The following SPHK2 variants were observed in gnomAD, a reference collection of about 807,000 sequenced individuals.
SPHK2 encodes the protein sphingosine kinase 2.
In SPHK2, 18 loss-of-function variants were observed where a neutral mutation model predicts 32.3. The ratio of observed to expected loss-of-function variants is 0.56; its 90% confidence interval spans 0.39 to 0.83. SPHK2 has a LOEUF of 0.83. SPHK2 is among the 40% of genes least tolerant of loss of function. The pLI is 0.00. For missense variants in SPHK2, 850 were observed against 908.7 expected (o/e 0.94, Z 0.83); for synonymous variants, 462 against 417.6 (o/e 1.11, Z -1.30).
intron 3 of SPHK2, among the ~76,000 whole-genome samples, chr19:48,627,337 G>A (rs2030004859): frequency 6.6e-6 from 1 of 152,198 alleles, no homozygotes; most frequent in Non-Finnish European, 1.5e-5. Context: ...AGAGGTCTAG[G>A]GCTTCCCTGG....
intron 2 of SPHK2, chr19:48,625,384 C>G: frequency 8.5e-7 from 1 of 1,171,632 alleles, no homozygotes; most frequent in South Asian, 1.6e-5. Flanking sequence ...CTGTTTTACC[C>G]ACTGCACCGT....
At chr19:48,622,210 G>T (rs1201624698) in intron 2 of SPHK2, among the ~76,000 whole-genome samples, 1 of 148,066 alleles carries the variant, frequency 6.8e-6, no homozygotes, top group Non-Finnish European at 1.5e-5. Flanking sequence ...AGTGAGTCGA[G>T]ATCGCGCCAC....
chr19:48,625,040 C>A, intron 2 of SPHK2: 1 of 991,742 alleles, frequency 1.0e-6, no homozygotes, highest in Non-Finnish European at 1.2e-6. Context: ...GTCCTGCTCC[C>A]ACCCGCTCCC....
rs753886314 is a variant in SPHK2, at chr19:48,629,662, G to C, written c.1854G>C (p.Val618=). ...FRLEPLTPRG[V]LTVDGEQVEY... is the part of the protein sequence containing the mutation. ...TAGAGCCGCTCACACCACGCGGCGT[G>C]CTCACAGTGGACGGGGAGCAGGTGG... is the stretch of plus-strand genomic sequence containing the variant. The change falls in exon 7 of 7, where the codon GTG becomes GTC. Residue 618 remains valine, a synonymous_variant. Coordinates refer to ENST00000245222, the MANE Select transcript of SPHK2 (RefSeq NM_020126.5). 2 of 1,606,038 alleles carry C rather than the reference G, an allele frequency of 1.2e-6. No homozygotes were observed. Among genetic ancestry groups the C allele is most frequent in the African/African-American group, 2.7e-5 (2 of 74,850 alleles).
chr19:48,627,275 GAGC>G (rs1319123401), intron 3 of SPHK2, among the ~76,000 whole-genome samples: 2 of 152,246 alleles, frequency 1.3e-5, no homozygotes, highest in Non-Finnish European at 2.9e-5. Context: ...AGGGTGGTGA[GAGC>G]AGCAGCCTGA....
intron 2 of SPHK2, chr19:48,625,366 T>C: frequency 8.7e-7 from 1 of 1,155,708 alleles, no homozygotes. Flanking sequence ...GCGTTTGTGA[T>C]TGTTTTGCTG....
chr19:48,621,429 G>T (rs1475667788), intron 2 of SPHK2, among the ~76,000 whole-genome samples: 2 of 152,118 alleles, frequency 1.3e-5, no homozygotes, highest in Non-Finnish European at 2.9e-5. Context: ...GCCCAGGCTG[G>T]TCTTGAACTC....
chr19:48,626,332 C>T lies in SPHK2; in HGVS notation c.481C>T (p.Leu161Phe), dbSNP rs1040471561. 1.9e-6 allele frequency: 3 copies of T among 1,593,208 alleles called. No individual in the cohort carries two copies. The highest frequency in any genetic ancestry group is 2.5e-6 in the Non-Finnish European group (3 of 1,177,686). The change falls in exon 3 of 7, where the codon CTC becomes TTC. Residue 161 changes from leucine (L) to phenylalanine (F), a missense_variant. Physicochemically the swap from Leu to Phe is conservative, Grantham distance 22. Around this residue, in one of 2 missense-constraint regions of SPHK2, gnomAD observed 544 missense variants for 640.0 expected, o/e 0.85. Transcript: ENST00000245222. ...CTGGGCCACTGCCCTCACCTGTCTG[C>T]TCCGAGGACTGCCACTGCCCGGGGA... Reference protein sequence around the residue: ...QRWATALTCLLRGLPLPGDGE... With the variant: ...QRWATALTCLFRGLPLPGDGE...
chr19:48,620,339 A>G, intron 1 of SPHK2, 63 bp from the exon 2 acceptor site: 2 of 546,124 alleles, frequency 3.7e-6, no homozygotes, highest in Non-Finnish European at 6.5e-6. Context: ...AGGCACATTG[A>G]GCCTGGAAGG....
Position 48,628,092 on chromosome 19 carries a change from C to G in SPHK2, c.756+23C>G. ...GAGGTAGAGCAGGAGCACCCTGCCCCTAGCCCTGGGCCCTGGGGGACTATA... is the reference window on the plus strand; with the variant it reads ...GAGGTAGAGCAGGAGCACCCTGCCCGTAGCCCTGGGCCCTGGGGGACTATA... On this transcript the variant is annotated intron_variant, in intron 5 of 6. Transcript: ENST00000245222. The surrounding 1 kb of genome is among the most constrained non-coding windows in gnomAD (Gnocchi z 5.2). The G allele has an allele frequency of 6.3e-7, 1 of 1,579,614 alleles. No individual in the cohort carries two copies. Among genetic ancestry groups the G allele is most frequent in the East Asian group, 2.2e-5 (1 of 44,468 alleles).
At position 48,628,948 on chromosome 19, in the gene SPHK2, C is replaced by T. The variant is rs137907646; in HGVS notation, c.1140C>T (p.Pro380=). The change falls in exon 7 of 7, where the codon CCC becomes CCT. Residue 380 remains proline, a synonymous_variant. Transcript: ENST00000245222. The surrounding 1 kb of genome is among the most constrained non-coding windows in gnomAD (Gnocchi z 5.2). Reference sequence around the variant, plus strand: ...ACCGCGGACGCCTCTCCTACCTCCCCGCCACTGTGGAACCTGCCTCGCCCA... The same window carrying T: ...ACCGCGGACGCCTCTCCTACCTCCCTGCCACTGTGGAACCTGCCTCGCCCA... ...HTYRGRLSYL[P]ATVEPASPTP... is the part of the protein sequence containing the mutation. 143 of 1,613,664 alleles carry T rather than the reference C, an allele frequency of 8.9e-5. 3 individuals carry two copies. In the Admixed American group the frequency reaches 1.5e-3, roughly 17 times the overall value.
chr19:48,620,200 A>G (rs113371427), intron 1 of SPHK2, among the ~76,000 whole-genome samples: 1 of 152,340 alleles, frequency 6.6e-6, no homozygotes, highest in African/African-American at 2.4e-5. Flanking sequence ...TGCTCAATAA[A>G]AATTAGCCTT....
In SPHK2 at chr19:48,628,287, G is replaced by T; in HGVS notation, c.872+10G>T. On this transcript the variant is annotated intron_variant, in intron 6 of 6. Transcript: ENST00000245222. This position sits in a 1 kb window ranked among gnomAD's most constrained non-coding sequence, Gnocchi z 5.2. ...TGAACCAGCACGGGGGGTAGGTTGAGGATACCACGAAGGGAGGGATGAGCC... is the reference window on the plus strand; with the variant it reads ...TGAACCAGCACGGGGGGTAGGTTGATGATACCACGAAGGGAGGGATGAGCC... 1 of 1,611,792 alleles carries T rather than the reference G, an allele frequency of 6.2e-7. No individual in the cohort carries two copies. The highest frequency in any genetic ancestry group is 1.1e-5 in the South Asian group (1 of 91,038).
In SPHK2 at chr19:48,627,731, T is replaced by C. The variant is rs1184603358; in HGVS notation, c.551T>C (p.Leu184Pro). Reference sequence around the variant, plus strand: ...CTGCTACCTCGGCCGCCCCGGTTGCTTCTATTGGTCAATCCCTTTGGGGGT... The same window carrying C: ...CTGCTACCTCGGCCGCCCCGGTTGCCTCTATTGGTCAATCCCTTTGGGGGT... ...PDLLPRPPRL[L>P]LLVNPFGGRG... Residue 184 changes from leucine to proline, a missense_variant, in exon 4 of 7, where the codon CTT (leucine) becomes CCT (proline). Around this residue, in one of 2 missense-constraint regions of SPHK2, gnomAD observed 544 missense variants for 640.0 expected, o/e 0.85. Transcript: ENST00000245222. The C allele has an allele frequency of 6.2e-7, 1 of 1,612,734 alleles. No homozygotes were observed. The highest frequency in any genetic ancestry group is 2.2e-5 in the East Asian group (1 of 44,874).
At chr19:48,623,995 G>T (rs1974506943) in intron 2 of SPHK2, 1 of 152,244 alleles carries the variant, frequency 6.6e-6, no homozygotes, top group Non-Finnish European at 1.5e-5. Flanking sequence ...CTTGCTCTGT[G>T]TCTGGATCGG....
At position 48,630,297 on chromosome 19, in the gene SPHK2, G is replaced by T; in HGVS notation, c.*524G>T. On this transcript the variant is annotated 3_prime_UTR_variant, in exon 7 of 7. Coordinates refer to ENST00000245222, the MANE Select transcript of SPHK2 (RefSeq NM_020126.5). This position sits in a 1 kb window ranked among gnomAD's most constrained non-coding sequence, Gnocchi z 4.9. ...CTAATGTTCCTCTCCCCGCGGGTGG[G>T]GGCGGGGAAATTCATATCCCCTGTT... is the stretch of plus-strand genomic sequence containing the variant. 7.8e-7 allele frequency: 1 copy of T among 1,288,578 alleles called. No individual in the cohort carries two copies. The highest frequency in any genetic ancestry group is 9.8e-7 in the Non-Finnish European group (1 of 1,018,708). 79.8% of individuals were successfully genotyped at this position (1,288,578 alleles called of 1,614,324 possible).
chr19:48,626,858 G>A (rs1441538617), intron 3 of SPHK2: 3 of 149,520 alleles, frequency 2.0e-5, no homozygotes, highest in Non-Finnish European at 4.4e-5. Flanking sequence ...CAGAGGTCGC[G>A]TGCAGTGGCT....
rs1322567946 is a variant in SPHK2, at chr19:48,629,791, A to G, written c.*18A>G. Reference sequence around the variant, plus strand: ...AGCCCTGAAACTAAACAAGCTTGGTACCCGCCGGGGGCGGGGCCTACATTC... The same window carrying G: ...AGCCCTGAAACTAAACAAGCTTGGTGCCCGCCGGGGGCGGGGCCTACATTC... On this transcript the variant is annotated 3_prime_UTR_variant, in exon 7 of 7. Transcript: ENST00000245222. 1 of 1,541,598 alleles carries G rather than the reference A, an allele frequency of 6.5e-7. No homozygotes were observed. The highest frequency in any genetic ancestry group is 1.4e-5 in the African/African-American group (1 of 72,896).
rs1222324533 is a variant in SPHK2 at position 48,628,961 on chromosome 19, C to G, written c.1153C>G (p.Pro385Ala). The G allele has an allele frequency of 6.2e-7, 1 of 1,613,736 alleles. No homozygotes were observed. The highest frequency in any genetic ancestry group is 8.5e-7 in the Non-Finnish European group (1 of 1,179,984). ...RLSYLPATVE[P>A]ASPTPAHSLP... ...CTCCTACCTCCCCGCCACTGTGGAA[C>G]CTGCCTCGCCCACCCCTGCCCATAG... Residue 385 changes from proline (P) to alanine (A), a missense_variant, in exon 7 of 7, where the codon CCT becomes GCT. By Grantham distance (27) the Pro-to-Ala change is conservative. Coordinates refer to ENST00000245222, the MANE Select transcript of SPHK2 (RefSeq NM_020126.5). The surrounding 1 kb of genome is among the most constrained non-coding windows in gnomAD (Gnocchi z 5.2).
Sources: allele counts gnomAD v4.1 joint callset (sites outside exome capture counted in the v4.1 genomes callset), GRCh38; gene constraint gnomAD v4.1.1; regional missense constraint gnomAD v4.1.1; non-coding constraint Gnocchi (gnomAD v3.1); transcripts MANE v1.5; gene names NCBI Gene and HGNC (gene_info 2026-07-23, HGNC 2026-07-21).